Variants in NEGR1 observed in about 807,000 individuals in gnomAD.
The protein encoded by NEGR1 is IgLON family member 4.
Under a neutral mutation model 40.9 loss-of-function variants are expected in NEGR1, and 10 were observed. The observed-to-expected ratio is 0.24, with a 90% CI of 0.15 to 0.42. The LOEUF (loss-of-function observed/expected upper bound fraction) is 0.42. Among genes scored for constraint, NEGR1 ranks in the 10% least tolerant of loss-of-function variants. NEGR1 has a pLI of 1.00. For synonymous variants in NEGR1, 185 were observed against 166.8 expected, an observed-to-expected ratio of 1.11 and a Z score of -0.84; for missense variants, 352 against 438.9, an observed-to-expected ratio of 0.80 and a Z score of 1.77.
chr1:71,556,431 A>G (rs1193890494), intron 6 of NEGR1, among the ~76,000 whole-genome samples: 1 of 151,726 alleles, frequency 6.6e-6, no homozygotes, highest in African/African-American at 2.4e-5. Flanking sequence ...AAGAATTAAA[A>G]CAACATGACC....
At position 71,524,830 on chromosome 1, in the gene NEGR1, C is replaced by T. The variant is rs186126295; in HGVS notation, c.940+67987G>A. On this transcript the variant is annotated intron_variant, in intron 6 of 6. Coordinates refer to ENST00000357731, the MANE Select transcript of NEGR1 (RefSeq NM_173808.3). ...AGGGAGACTGAAGAGTCAGTGTCAC[C>T]GTGATGTGACATGAGAAAAATTTGA... Among the ~76,000 whole-genome samples, 272 of 151,706 alleles carry T rather than the reference C, an allele frequency of 1.8e-3. 1 individual carries two copies. The highest frequency in any genetic ancestry group is 6.1e-3 in the African/African-American group (251 of 41,450).
intron 1 of NEGR1, among the ~76,000 whole-genome samples, chr1:72,064,175 C>G (rs1373680033): frequency 6.6e-6 from 1 of 151,840 alleles, no homozygotes; most frequent in African/African-American, 2.4e-5. Flanking sequence ...GTAATTAGGT[C>G]TGTGTCATTT....
At chr1:71,510,632 T>C (rs1197453815) in intron 6 of NEGR1, among the ~76,000 whole-genome samples, 1 of 152,130 alleles carries the variant, frequency 6.6e-6, no homozygotes, top group Non-Finnish European at 1.5e-5. Flanking sequence ...TATGGGGGGA[T>C]AATGAAACTT....
At chr1:71,637,393 T>C (rs749864047) in intron 4 of NEGR1, among the ~76,000 whole-genome samples, 12 of 151,980 alleles carry the variant, frequency 7.9e-5, no homozygotes, top group Non-Finnish European at 1.2e-4. Context: ...TATATGACCA[T>C]AAAAAGTGTA....
chr1:71,836,794 G>A (rs922969461), intron 2 of NEGR1, among the ~76,000 whole-genome samples: 3 of 151,852 alleles, frequency 2.0e-5, no homozygotes, highest in Non-Finnish European at 1.5e-5. Flanking sequence ...ATTTTTACCC[G>A]CTACTACACT....
intron 6 of NEGR1, 46 bp from the exon 7 acceptor site, chr1:71,407,616 T>C: frequency 6.3e-7 from 1 of 1,597,160 alleles, no homozygotes. Context: ...ATTTGTGTCT[T>C]CCAGGATCTT....
chr1:71,566,429 T>C (rs1237767702), intron 6 of NEGR1, among the ~76,000 whole-genome samples: 1 of 152,196 alleles, frequency 6.6e-6, no homozygotes, highest in African/African-American at 2.4e-5. Flanking sequence ...AAAAAAGTGT[T>C]TATTTAATGT....
chr1:71,554,145 GT>G (rs1275307333), intron 6 of NEGR1, among the ~76,000 whole-genome samples: 1 of 151,226 alleles, frequency 6.6e-6, no homozygotes, highest in African/African-American at 2.4e-5. Context: ...ATAAAACTGG[GT>G]TTATTTCTTT....
chr1:71,522,809 C>T (rs1053910886), intron 6 of NEGR1, among the ~76,000 whole-genome samples: 1 of 151,510 alleles, frequency 6.6e-6, no homozygotes, highest in African/African-American at 2.4e-5. Flanking sequence ...GACTCACACG[C>T]TCCTATGTGT....
chr1:71,881,994 G>A (rs977251901), intron 2 of NEGR1, among the ~76,000 whole-genome samples: 1 of 152,046 alleles, frequency 6.6e-6, no homozygotes, highest in Non-Finnish European at 1.5e-5. Context: ...TAGAAAATCT[G>A]TGAAGAAAAT....
At chr1:71,843,082 G>T (rs1179631855) in intron 2 of NEGR1, among the ~76,000 whole-genome samples, 1 of 152,096 alleles carries the variant, frequency 6.6e-6, no homozygotes, top group Non-Finnish European at 1.5e-5. Context: ...TGCCTCAAGT[G>T]TCACATCAGG....
chr1:72,263,270 C>A (rs1037090549), intron 1 of NEGR1, among the ~76,000 whole-genome samples: 1 of 151,614 alleles, frequency 6.6e-6, no homozygotes, highest in Middle Eastern at 3.4e-3. Context: ...CTGCTAATCT[C>A]AAAAGGCAAT....
At chr1:71,729,817 T>G (rs758036436) in intron 3 of NEGR1, among the ~76,000 whole-genome samples, 23 of 151,028 alleles carry the variant, frequency 1.5e-4, no homozygotes, top group African/African-American at 5.1e-4. Flanking sequence ...TTTGTTTTTT[T>G]GTTTTGTTTT....
chr1:71,915,733 G>A (rs1661558577), intron 2 of NEGR1, among the ~76,000 whole-genome samples: 2 of 151,982 alleles, frequency 1.3e-5, no homozygotes, highest in Non-Finnish European at 2.9e-5. Flanking sequence ...GTGTAATATC[G>A]TAATTTAGGA....
At chr1:72,257,024 G>A (rs2100539429) in intron 1 of NEGR1, among the ~76,000 whole-genome samples, 1 of 152,244 alleles carries the variant, frequency 6.6e-6, no homozygotes, top group African/African-American at 2.4e-5. Flanking sequence ...TGGCCAAACT[G>A]TTAAGAATAG....
At chr1:71,819,974 G>A (rs1658366413) in intron 2 of NEGR1, among the ~76,000 whole-genome samples, 1 of 151,996 alleles carries the variant, frequency 6.6e-6, no homozygotes, top group Non-Finnish European at 1.5e-5. Context: ...ACCAGAAGGG[G>A]GACAGGCTGT....
chr1:71,643,401 C>A (rs17091559), intron 4 of NEGR1, among the ~76,000 whole-genome samples: 1 of 151,840 alleles, frequency 6.6e-6, no homozygotes, highest in Non-Finnish European at 1.5e-5. Flanking sequence ...GCTGGAAAAT[C>A]AGTAGTTAAA....
chr1:72,098,440 C>T (rs1648797237), intron 1 of NEGR1, among the ~76,000 whole-genome samples: 1 of 152,100 alleles, frequency 6.6e-6, no homozygotes. Context: ...TTTTAAAAAT[C>T]ATAGATGCTG....
At chr1:72,193,313 A>C (rs1652885802) in intron 1 of NEGR1, among the ~76,000 whole-genome samples, 1 of 151,832 alleles carries the variant, frequency 6.6e-6, no homozygotes, top group South Asian at 2.1e-4. Flanking sequence ...TCCAGAAAAA[A>C]ATCTATTAAT....
Sources: allele counts gnomAD v4.1 joint callset (sites outside exome capture counted in the v4.1 genomes callset), GRCh38; gene constraint gnomAD v4.1.1; transcripts MANE v1.5; gene names NCBI Gene and HGNC (gene_info 2026-07-23, HGNC 2026-07-21).